PRKG2: variants seen among roughly 807,000 people sequenced by gnomAD.
The protein encoded by PRKG2 is cGMP-dependent protein kinase 2.
In PRKG2, 33 loss-of-function variants were observed where a neutral mutation model predicts 97.2. That is an observed-to-expected ratio of 0.34 (90% CI 0.26 to 0.45). PRKG2 has a LOEUF of 0.45. PRKG2 is among the 20% of genes least tolerant of loss of function. The pLI, the probability that PRKG2 is intolerant of heterozygous loss-of-function variation, is 1.00. For missense variants in PRKG2, 638 were observed against 900.0 expected, an observed-to-expected ratio of 0.71 and a Z score of 3.73; for synonymous variants, 330 against 321.8, an observed-to-expected ratio of 1.03 and a Z score of -0.27.
intron 1 of PRKG2, among the ~76,000 whole-genome samples, chr4:81,210,364 A>T (rs113468361): frequency 6.6e-5 from 10 of 152,196 alleles, no homozygotes; most frequent in Non-Finnish European, 1.5e-4. Context: ...TAGGAAAACA[A>T]ACAACCCAAC....
At chr4:81,139,513 A>G (rs981969633) in intron 12 of PRKG2, among the ~76,000 whole-genome samples, 10 of 152,068 alleles carry the variant, frequency 6.6e-5, no homozygotes, top group Non-Finnish European at 1.2e-4. Flanking sequence ...CACGCCTGTA[A>G]TCCCAGCACT....
At chr4:81,146,637 T>C (rs973690786) in intron 9 of PRKG2, among the ~76,000 whole-genome samples, 3 of 152,174 alleles carry the variant, frequency 2.0e-5, no homozygotes, top group Non-Finnish European at 2.9e-5. Flanking sequence ...GTGCCCTGTA[T>C]TCAGCCACCA....
Position 81,189,066 on chromosome 4 carries a change from T to TAAAA in PRKG2, c.462-14111_462-14108dup. 6.7e-3 allele frequency among the ~76,000 whole-genome samples: 115 copies of TAAAA among 17,044 alleles called. 8 individuals carry two copies. The highest frequency in any genetic ancestry group is 0.03 in the African/African-American group (37 of 1,254). The allele number at this position is 17,044 out of a possible 152,430, so 11.2% of individuals were successfully genotyped here. ...AAAAAAAAAAGATTAAAAAAAATAA[T>TAAAA]AAAAAAAAAAAAAAAAAAAAAAAAA... On this transcript the variant is annotated intron_variant, in intron 2 of 18. Coordinates refer to ENST00000264399, the MANE Select transcript of PRKG2 (RefSeq NM_006259.3).
chr4:81,147,410 T>C (rs552901666), intron 9 of PRKG2, among the ~76,000 whole-genome samples: 3 of 152,188 alleles, frequency 2.0e-5, no homozygotes, highest in South Asian at 4.1e-4. Context: ...ATTTGAGAGT[T>C]GGCATCCAAA....
At chr4:81,109,487 T>C (rs1560542712) in intron 15 of PRKG2, among the ~76,000 whole-genome samples, 1 of 152,204 alleles carries the variant, frequency 6.6e-6, no homozygotes, top group Non-Finnish European at 1.5e-5. Context: ...TCTGTGTGTG[T>C]ATGCCCATGC....
At chr4:81,116,111 T>G (rs1186563833) in intron 14 of PRKG2, among the ~76,000 whole-genome samples, 3 of 152,170 alleles carry the variant, frequency 2.0e-5, no homozygotes. Flanking sequence ...AGGGGTTTGG[T>G]GTACAGATTA....
At chr4:81,126,806 C>A (rs1032107658) in intron 14 of PRKG2, among the ~76,000 whole-genome samples, 1 of 151,964 alleles carries the variant, frequency 6.6e-6, no homozygotes, top group Non-Finnish European at 1.5e-5. Context: ...AAAATTTTCT[C>A]CCATTCTGTA....
At chr4:81,177,246 C>T (rs1184668429) in intron 2 of PRKG2, among the ~76,000 whole-genome samples, 2 of 152,110 alleles carry the variant, frequency 1.3e-5, no homozygotes, top group Non-Finnish European at 2.9e-5. Flanking sequence ...TAAGCACTTA[C>T]TTAGGACATA....
intron 17 of PRKG2, among the ~76,000 whole-genome samples, chr4:81,096,939 T>C (rs1414699287): frequency 6.6e-6 from 1 of 152,172 alleles, no homozygotes; most frequent in Non-Finnish European, 1.5e-5. Flanking sequence ...AAATCACAAA[T>C]GTTTATAATG....
intron 12 of PRKG2, among the ~76,000 whole-genome samples, chr4:81,139,486 G>C (rs1226698121): frequency 6.6e-6 from 1 of 151,924 alleles, no homozygotes; most frequent in African/African-American, 2.4e-5. Flanking sequence ...AATAAAAACA[G>C]GCTGGGCGCA....
chr4:81,193,960 G>A (rs1752773875), intron 2 of PRKG2, among the ~76,000 whole-genome samples: 1 of 152,012 alleles, frequency 6.6e-6, no homozygotes. Context: ...CATACTTAGG[G>A]TACCCCAGAC....
chr4:81,171,074 G>A lies in PRKG2; in HGVS notation c.742+617C>T, dbSNP rs137859523. On this transcript the variant is annotated intron_variant, in intron 4 of 18. Coordinates refer to ENST00000264399, the MANE Select transcript of PRKG2 (RefSeq NM_006259.3). ...ATGCAGGTTTGTTTCATAGATAAAC[G>A]TGTGCTGTGGTGCTTTGCTGCAACT... is the stretch of plus-strand genomic sequence containing the variant. Among the ~76,000 whole-genome samples, 27 of 151,948 alleles carry A rather than the reference G, an allele frequency of 1.8e-4. No homozygotes were observed. In the East Asian group the frequency reaches 4.6e-3, roughly 26 times the overall value.
intron 14 of PRKG2, among the ~76,000 whole-genome samples, chr4:81,123,425 G>A (rs1430450737): frequency 3.9e-5 from 6 of 152,148 alleles, no homozygotes; most frequent in Non-Finnish European, 8.8e-5. Context: ...TTTGTTTTGA[G>A]ACAGAGTCTT....
intron 2 of PRKG2, chr4:81,193,144 T>C (rs1051217623): frequency 6.6e-6 from 1 of 152,210 alleles, no homozygotes; most frequent in Non-Finnish European, 1.5e-5. Flanking sequence ...TTCATCCCTA[T>C]CTATCAAGGA....
intron 6 of PRKG2, among the ~76,000 whole-genome samples, chr4:81,161,465 T>G (rs1749586742): frequency 6.6e-6 from 1 of 152,188 alleles, no homozygotes; most frequent in Non-Finnish European, 1.5e-5. Context: ...CTAGGCACAG[T>G]GTTGCTCAAT....
intron 7 of PRKG2, 48 bp downstream of exon 7, chr4:81,153,596 T>A (rs370480024): frequency 2.1e-6 from 3 of 1,442,854 alleles, no homozygotes; most frequent in Non-Finnish European, 2.9e-6. Context: ...TATGGCAAAC[T>A]GATTTAAAAT....
intron 2 of PRKG2, among the ~76,000 whole-genome samples, chr4:81,199,743 T>C (rs1284536725): frequency 6.6e-6 from 1 of 152,202 alleles, no homozygotes; most frequent in Admixed American, 6.5e-5. Context: ...CCTCAAATGC[T>C]CAGTACTGCT....
In PRKG2 at chr4:81,092,472, G is replaced by GGAAGGAAA; in HGVS notation, c.2127-21_2127-20insTTTCCTTC. The GGAAGGAAA allele has an allele frequency of 4.8e-6, 3 of 620,846 alleles. No homozygotes were observed. The highest frequency in any genetic ancestry group is 2.7e-5 in the East Asian group (1 of 36,698). The allele number at this position is 620,846 out of a possible 1,614,324, so 38.5% of individuals were successfully genotyped here. A position where few individuals can be genotyped will look rare whatever the true frequency, so the allele number is the denominator to read the frequency against. On this transcript the variant is annotated intron_variant, in intron 17 of 18. Coordinates refer to ENST00000264399, the MANE Select transcript of PRKG2 (RefSeq NM_006259.3). ...AACCACCTGAGAAATGAGAAAGGAAGGAAGGAAGGAAGGAAGGAAGGAAGG... is the reference window on the plus strand; with the variant it reads ...AACCACCTGAGAAATGAGAAAGGAAGGAAGGAAAGAAGGAAGGAAGGAAGGAAGGAAGG...
chr4:81,144,930 C>T (rs1300790484), intron 9 of PRKG2, among the ~76,000 whole-genome samples: 1 of 151,992 alleles, frequency 6.6e-6, no homozygotes, highest in Non-Finnish European at 1.5e-5. Flanking sequence ...CTACAAAGGA[C>T]ATGAACTCAT....
Sources: allele counts gnomAD v4.1 joint callset (sites outside exome capture counted in the v4.1 genomes callset), GRCh38; gene constraint gnomAD v4.1.1; transcripts MANE v1.5; gene names NCBI Gene and HGNC (gene_info 2026-07-23, HGNC 2026-07-21).